Variants in GRXCR1 observed in about 807,000 individuals in gnomAD.
GRXCR1 encodes the protein glutaredoxin domain-containing cysteine-rich protein 1.
Under a neutral mutation model 27.3 loss-of-function variants are expected in GRXCR1, and 27 were observed. That is an observed-to-expected ratio of 0.99 (90% CI 0.73 to 1.37). GRXCR1 has a LOEUF of 1.37. GRXCR1 is among the 40% of genes most tolerant of loss of function. The pLI, the probability that GRXCR1 is intolerant of heterozygous loss-of-function variation, is 0.00. For synonymous variants in GRXCR1, 122 were observed against 131.1 expected, an observed-to-expected ratio of 0.93 and a Z score of 0.47; for missense variants, 379 against 354.4, an observed-to-expected ratio of 1.07 and a Z score of -0.56.
In GRXCR1 at chr4:42,953,051, T is replaced by C. The variant is rs567849490; in HGVS notation, c.385-9841T>C. On this transcript the variant is annotated intron_variant, in intron 1 of 3. Coordinates refer to ENST00000399770, the MANE Select transcript of GRXCR1 (RefSeq NM_001080476.3). ...ATTCTAGTCTTACACATCAGTATCT[T>C]GATCCAAAAAGCCAGCCAATGGTGA... Among the ~76,000 whole-genome samples, 4 of 152,266 alleles carry C rather than the reference T, an allele frequency of 2.6e-5. No individual in the cohort carries two copies. The South Asian group carries it at 8.3e-4, about 32-fold the overall frequency.
intron 2 of GRXCR1, among the ~76,000 whole-genome samples, chr4:42,987,222 T>TATATTATATTATATATA: frequency 9.9e-6 from 1 of 100,574 alleles, no homozygotes; most frequent in Admixed American, 1.3e-4. Context: ...TATATATATA[T>TATATTATATTATATATA]TATATATTAT....
intron 2 of GRXCR1, among the ~76,000 whole-genome samples, chr4:43,008,853 A>T (rs1352310305): frequency 6.6e-6 from 1 of 152,224 alleles, no homozygotes; most frequent in African/African-American, 2.4e-5. Context: ...TTAAAATTTT[A>T]AAAGACAACT....
intron 2 of GRXCR1, among the ~76,000 whole-genome samples, chr4:42,968,776 T>A (rs1474503050): frequency 6.6e-6 from 1 of 152,256 alleles, no homozygotes; most frequent in South Asian, 2.1e-4. Flanking sequence ...TCAAAGAGTT[T>A]TTTTTTATTT....
intron 2 of GRXCR1, among the ~76,000 whole-genome samples, chr4:42,985,927 G>A (rs922900793): frequency 2.6e-5 from 4 of 152,066 alleles, no homozygotes; most frequent in Non-Finnish European, 5.9e-5. Context: ...TTCTCTGAGA[G>A]TTTCTGGCCC....
chr4:42,990,045 T>C (rs1039689679), intron 2 of GRXCR1, among the ~76,000 whole-genome samples: 1 of 151,956 alleles, frequency 6.6e-6, no homozygotes, highest in Non-Finnish European at 1.5e-5. Flanking sequence ...TATATAGCAG[T>C]TCTAAGATTT....
chr4:43,015,702 T>A (rs537042745), intron 2 of GRXCR1, among the ~76,000 whole-genome samples: 1 of 151,938 alleles, frequency 6.6e-6, no homozygotes, highest in East Asian at 1.9e-4. Context: ...ATGTTATAGA[T>A]CTTTTATTGC....
At chr4:43,016,462 A>T (rs1355372389) in intron 2 of GRXCR1, among the ~76,000 whole-genome samples, 1 of 152,082 alleles carries the variant, frequency 6.6e-6, no homozygotes, top group Non-Finnish European at 1.5e-5. Flanking sequence ...TTTTAACCAA[A>T]AATTTTATTA....
intron 2 of GRXCR1, among the ~76,000 whole-genome samples, chr4:42,985,638 T>C (rs1711690911): frequency 6.6e-6 from 1 of 151,650 alleles, no homozygotes; most frequent in Non-Finnish European, 1.5e-5. Flanking sequence ...ATATTAAATA[T>C]ATTAAAAATA....
intron 1 of GRXCR1, among the ~76,000 whole-genome samples, chr4:42,905,684 T>C (rs898178304): frequency 2.0e-5 from 3 of 152,018 alleles, no homozygotes; most frequent in Non-Finnish European, 4.4e-5. Context: ...TGAAAGGGAG[T>C]GTGGCAAAAG....
At chr4:42,936,252 C>T (rs1052350927) in intron 1 of GRXCR1, among the ~76,000 whole-genome samples, 1 of 151,854 alleles carries the variant, frequency 6.6e-6, no homozygotes, top group Non-Finnish European at 1.5e-5. Context: ...TTGCTGACAT[C>T]TGAGACCACA....
chr4:42,916,825 A>T (rs1387317507), intron 1 of GRXCR1, among the ~76,000 whole-genome samples: 1 of 152,120 alleles, frequency 6.6e-6, no homozygotes, highest in Non-Finnish European at 1.5e-5. Flanking sequence ...TTAAGTATCT[A>T]TTGATTATTT....
chr4:42,926,291 G>T (rs546873471), intron 1 of GRXCR1, among the ~76,000 whole-genome samples: 2 of 152,006 alleles, frequency 1.3e-5, no homozygotes, highest in South Asian at 4.2e-4. Context: ...AAAAATACTT[G>T]AAGTATAAAC....
At position 42,954,824 on chromosome 4, in the gene GRXCR1, G is replaced by A. The variant is rs1747961385; in HGVS notation, c.385-8068G>A. ...AACAGATCTAGGAAATAAGCTAAGA[G>A]AGAAGCCTGATGTGGATAAAGCTTG... is the stretch of plus-strand genomic sequence containing the variant. On this transcript the variant is annotated intron_variant, in intron 1 of 3. Coordinates refer to ENST00000399770, the MANE Select transcript of GRXCR1 (RefSeq NM_001080476.3). 3.9e-5 allele frequency among the ~76,000 whole-genome samples: 6 copies of A among 152,132 alleles called. No homozygotes were observed. In the South Asian group the frequency reaches 1.0e-3, roughly 26 times the overall value.
intron 1 of GRXCR1, among the ~76,000 whole-genome samples, chr4:42,911,459 G>A (rs1322784364): frequency 1.3e-5 from 2 of 152,030 alleles, no homozygotes; most frequent in African/African-American, 2.4e-5. Flanking sequence ...ATAAAAGGGG[G>A]AAATACACTG....
At chr4:42,992,398 A>G (rs993248692) in intron 2 of GRXCR1, among the ~76,000 whole-genome samples, 1 of 152,126 alleles carries the variant, frequency 6.6e-6, no homozygotes, top group African/African-American at 2.4e-5. Context: ...TCTTCATATT[A>G]ATTAGAACAC....
At chr4:42,961,640 A>G (rs543273314) in intron 1 of GRXCR1, among the ~76,000 whole-genome samples, 2 of 151,978 alleles carry the variant, frequency 1.3e-5, no homozygotes, top group South Asian at 4.1e-4. Flanking sequence ...TGGGTTTTCA[A>G]CTTAACCTCT....
chr4:42,894,335 A>C (rs1006665135), intron 1 of GRXCR1, among the ~76,000 whole-genome samples: 1 of 152,094 alleles, frequency 6.6e-6, no homozygotes, highest in African/African-American at 2.4e-5. Flanking sequence ...TATATTATTC[A>C]GGTATTGGGG....
At chr4:42,928,898 G>T (rs534350143) in intron 1 of GRXCR1, among the ~76,000 whole-genome samples, 1 of 151,972 alleles carries the variant, frequency 6.6e-6, no homozygotes, top group African/African-American at 2.4e-5. Context: ...CATGATTCAG[G>T]CTTAGTCCTT....
intron 1 of GRXCR1, among the ~76,000 whole-genome samples, chr4:42,914,189 G>C (rs903269756): frequency 6.6e-6 from 1 of 152,184 alleles, no homozygotes; most frequent in African/African-American, 2.4e-5. Context: ...CCAATCCCTA[G>C]AGTGATAGAT....
Sources: allele counts gnomAD v4.1 joint callset (sites outside exome capture counted in the v4.1 genomes callset), GRCh38; gene constraint gnomAD v4.1.1; transcripts MANE v1.5; gene names NCBI Gene and HGNC (gene_info 2026-07-23, HGNC 2026-07-21).